The following CTNNA2 variants were observed in gnomAD, a reference collection of about 807,000 sequenced individuals.
CTNNA2 encodes catenin alpha 2.
Under a neutral mutation model 101.0 loss-of-function variants are expected in CTNNA2, and 42 were observed. The ratio of observed to expected loss-of-function variants is 0.42; its 90% CI spans 0.32 to 0.54. The LOEUF (loss-of-function observed/expected upper bound fraction) is 0.54. CTNNA2 is among the 20% of genes least tolerant of loss of function. CTNNA2 has a pLI of 0.14. For synonymous variants in CTNNA2, 450 were observed against 456.4 expected, an observed-to-expected ratio of 0.99 and a Z score of 0.18; for missense variants, 871 against 1,223.1, an observed-to-expected ratio of 0.71 and a Z score of 4.29.
chr2:79,504,544 C>A (rs1180285234), intron 4 of CTNNA2, among the ~76,000 whole-genome samples: 1 of 152,170 alleles, frequency 6.6e-6, no homozygotes, highest in Non-Finnish European at 1.5e-5. Context: ...CCTGCCTCAG[C>A]CTCCCAAAGT....
At chr2:80,002,282 A>G (rs537992261) in intron 7 of CTNNA2, among the ~76,000 whole-genome samples, 4 of 152,180 alleles carry the variant, frequency 2.6e-5, no homozygotes, top group African/African-American at 4.8e-5. Flanking sequence ...GGCTGGTACC[A>G]CGTGGACCGC....
At chr2:80,081,387 G>C (rs1289097845) in intron 7 of CTNNA2, among the ~76,000 whole-genome samples, 5 of 152,128 alleles carry the variant, frequency 3.3e-5, no homozygotes, top group African/African-American at 9.6e-5. Context: ...TGGGGGGGCT[G>C]TTTTCGTTAT....
intron 7 of CTNNA2, among the ~76,000 whole-genome samples, chr2:80,295,225 A>T (rs966744782): frequency 8.8e-5 from 13 of 147,150 alleles, no homozygotes; most frequent in East Asian, 2.0e-4. Flanking sequence ...TCCTGAACAA[A>T]TTTTTTTTTT....
At chr2:80,312,670 A>G (rs1382829421) in intron 7 of CTNNA2, among the ~76,000 whole-genome samples, 1 of 152,230 alleles carries the variant, frequency 6.6e-6, no homozygotes, top group Non-Finnish European at 1.5e-5. Context: ...AACAGAACCA[A>G]TTTAATTCTA....
intron 7 of CTNNA2, among the ~76,000 whole-genome samples, chr2:80,063,775 A>G (rs1697775496): frequency 6.6e-6 from 1 of 152,230 alleles, no homozygotes; most frequent in Non-Finnish European, 1.5e-5. Flanking sequence ...GAGCTTCAAC[A>G]CTGAATTTAT....
intron 9 of CTNNA2, among the ~76,000 whole-genome samples, chr2:80,478,014 G>A (rs1685862646): frequency 6.6e-6 from 1 of 152,036 alleles, no homozygotes; most frequent in South Asian, 2.1e-4. Context: ...CTCATCAACA[G>A]TGTATAAGCA....
intron 6 of CTNNA2, among the ~76,000 whole-genome samples, chr2:79,892,416 T>TA (rs145019981): frequency 0.038 from 5,743 of 151,480 alleles, 129 homozygotes; most frequent in South Asian, 0.068. Context: ...TTACCTGTAT[T>TA]AAAAAAAAAC....
intron 7 of CTNNA2, among the ~76,000 whole-genome samples, chr2:80,017,237 G>A (rs1694213687): frequency 6.6e-6 from 1 of 152,006 alleles, no homozygotes; most frequent in South Asian, 2.1e-4. Flanking sequence ...TGCAGCCTCA[G>A]TATCTAAAAT....
rs115176064 is a variant in CTNNA2 at position 79,925,318 on chromosome 2, A to G, written c.1056+15521A>G. ...AATGATTTGATTTATAAACATGCAC[A>G]TTGATATTTCTAACAATTCATATTT... is the stretch of plus-strand genomic sequence containing the variant. On this transcript the variant is annotated intron_variant, in intron 7 of 18. Coordinates refer to ENST00000402739, the MANE Select transcript of CTNNA2 (RefSeq NM_001282597.3). 5.8e-3 allele frequency among the ~76,000 whole-genome samples: 887 copies of G among 152,264 alleles called. 6 individuals carry two copies. The highest frequency in any genetic ancestry group is 0.02 in the African/African-American group (837 of 41,564).
chr2:79,554,609 C>G (rs952714232), intron 1 of CTNNA2, among the ~76,000 whole-genome samples: 3 of 152,052 alleles, frequency 2.0e-5, no homozygotes, highest in Non-Finnish European at 4.4e-5. Flanking sequence ...GATCCAATGT[C>G]TGTTAGATTT....
chr2:80,387,260 G>A (rs1180170432), intron 7 of CTNNA2, among the ~76,000 whole-genome samples: 3 of 152,074 alleles, frequency 2.0e-5, no homozygotes, highest in Non-Finnish European at 4.4e-5. Flanking sequence ...CTGCACTCCA[G>A]CCTGGGCAAT....
chr2:79,907,350 CATACAT>C (rs765239186), intron 6 of CTNNA2, among the ~76,000 whole-genome samples: 32 of 151,904 alleles, frequency 2.1e-4, no homozygotes, highest in Non-Finnish European at 3.5e-4. Context: ...CACACACACA[CATACAT>C]ATATACATAT....
At chr2:79,355,876 A>G (rs2104442623) in intron 3 of CTNNA2, among the ~76,000 whole-genome samples, 1 of 152,154 alleles carries the variant, frequency 6.6e-6, no homozygotes. Context: ...CCATTTGGCT[A>G]TTGTCAGTAG....
At chr2:80,380,584 A>G (rs1003717499) in intron 7 of CTNNA2, among the ~76,000 whole-genome samples, 1 of 152,152 alleles carries the variant, frequency 6.6e-6, no homozygotes, top group Admixed American at 6.5e-5. Flanking sequence ...GCGCAATCTG[A>G]AAAGGTATAA....
intron 1 of CTNNA2, among the ~76,000 whole-genome samples, chr2:79,550,181 T>G (rs910811893): frequency 6.6e-6 from 1 of 152,244 alleles, no homozygotes; most frequent in African/African-American, 2.4e-5. Context: ...GAATTTCCCC[T>G]TTCTGCACTC....
intron 7 of CTNNA2, among the ~76,000 whole-genome samples, chr2:80,185,273 G>A (rs961943655): frequency 1.3e-5 from 2 of 152,172 alleles, no homozygotes; most frequent in African/African-American, 2.4e-5. Flanking sequence ...AGGTCAGCTC[G>A]CAACATGGTA....
intron 5 of CTNNA2, among the ~76,000 whole-genome samples, chr2:79,871,628 C>T (rs945311262): frequency 1.3e-5 from 2 of 152,122 alleles, no homozygotes; most frequent in African/African-American, 4.8e-5. Flanking sequence ...GAGGGTGAAG[C>T]TTCTCCACTT....
At chr2:79,830,498 C>T (rs1458550952) in intron 3 of CTNNA2, among the ~76,000 whole-genome samples, 1 of 152,092 alleles carries the variant, frequency 6.6e-6, no homozygotes, top group Non-Finnish European at 1.5e-5. Context: ...AACAAGAATC[C>T]TAGGACTCTC....
At chr2:80,051,204 A>G (rs1269291910) in intron 7 of CTNNA2, among the ~76,000 whole-genome samples, 1 of 152,230 alleles carries the variant, frequency 6.6e-6, no homozygotes, top group Non-Finnish European at 1.5e-5. Flanking sequence ...GTCACTGGTA[A>G]TTATTCCTCT....
Sources: gnomAD v4.1 joint callset for allele counts (sites outside exome capture counted in the v4.1 genomes callset) on GRCh38, gnomAD v4.1.1 for gene constraint, MANE v1.5 for transcripts, NCBI Gene and HGNC (gene_info 2026-07-23, HGNC 2026-07-21) for gene names.